Variants in PSEN1 observed in about 807,000 individuals in gnomAD.
PSEN1 encodes presenilin 1.
In PSEN1, 15 loss-of-function variants were observed where a neutral mutation model predicts 53.5. The observed-to-expected ratio is 0.28, with a 90% CI of 0.19 to 0.43. The LOEUF (loss-of-function observed/expected upper bound fraction) is 0.43. PSEN1 is among the 20% of genes least tolerant of loss of function. The pLI, the probability that PSEN1 is intolerant of heterozygous loss-of-function variation, is 1.00. For synonymous variants in PSEN1, 208 were observed against 209.8 expected (o/e 0.99, Z 0.08); for missense variants, 387 against 571.2 (o/e 0.68, Z 3.29).
rs1594762081 is a variant in PSEN1, at chr14:73,222,445, T to C, written c.*3156T>C. ...GATATAACTTGTAGAGTGTGAAATATAAGTTTAACTACCAAATAAGGTCTC... is the reference window on the plus strand; with the variant it reads ...GATATAACTTGTAGAGTGTGAAATACAAGTTTAACTACCAAATAAGGTCTC... On this transcript the variant is annotated 3_prime_UTR_variant, in exon 12 of 12. Coordinates refer to ENST00000324501, the MANE Select transcript of PSEN1 (RefSeq NM_000021.4). 6.6e-6 allele frequency: 1 copy of C among 152,182 alleles called. No individual in the cohort carries two copies. The highest frequency in any genetic ancestry group is 2.4e-5 in the African/African-American group (1 of 41,438). 9.4% of individuals were successfully genotyped at this position (152,182 alleles called of 1,614,324 possible).
chr14:73,174,972 A>C (rs187040561), intron 5 of PSEN1, among the ~76,000 whole-genome samples: 2 of 152,266 alleles, frequency 1.3e-5, no homozygotes, highest in East Asian at 3.9e-4. Flanking sequence ...CTTAGAAAAA[A>C]TTACACATTA....
intron 5 of PSEN1, among the ~76,000 whole-genome samples, chr14:73,186,458 T>C (rs1402223836): frequency 6.6e-6 from 1 of 152,102 alleles, no homozygotes; most frequent in Non-Finnish European, 1.5e-5. Context: ...TTTGCCAAAT[T>C]GTACTATTTT....
intron 3 of PSEN1, among the ~76,000 whole-genome samples, chr14:73,162,030 C>T (rs1444505993): frequency 7.1e-6 from 1 of 140,674 alleles, no homozygotes; most frequent in East Asian, 2.1e-4. Flanking sequence ...AAAAAGAAAC[C>T]AAACCAGGTG....
At chr14:73,173,911 A>T in intron 5 of PSEN1, 1 of 677,412 alleles carries the variant, frequency 1.5e-6, no homozygotes, top group Non-Finnish European at 2.6e-6. Context: ...CCAGGCTCAG[A>T]GGCTGAGGCA....
At chr14:73,205,849 A>G (rs1476205312) in intron 8 of PSEN1, among the ~76,000 whole-genome samples, 2 of 152,254 alleles carry the variant, frequency 1.3e-5, no homozygotes, top group Non-Finnish European at 2.9e-5. Flanking sequence ...GTATTTTTGT[A>G]GAAGGGGCAC....
At position 73,222,244 on chromosome 14, in the gene PSEN1, T is replaced by A. The variant is rs909775190; in HGVS notation, c.*2955T>A. ...AAGAAAACAGTCATAAGTAAGCAAT[T>A]TGTTGATTTTACTACAGAAGCAACA... On this transcript the variant is annotated 3_prime_UTR_variant, in exon 12 of 12. Coordinates refer to ENST00000324501, the MANE Select transcript of PSEN1 (RefSeq NM_000021.4). 9 of 152,192 alleles carry A rather than the reference T, an allele frequency of 5.9e-5. No homozygotes were observed. The highest frequency in any genetic ancestry group is 2.1e-4 in the South Asian group (1 of 4,830). The allele number at this position is 152,192 out of a possible 1,614,324, so 9.4% of individuals were successfully genotyped here. A position where few individuals can be genotyped will look rare whatever the true frequency, so the allele number is the denominator to read the frequency against.
intron 8 of PSEN1, among the ~76,000 whole-genome samples, chr14:73,202,619 C>T (rs540125111): frequency 6.7e-6 from 1 of 149,448 alleles, no homozygotes; most frequent in African/African-American, 2.5e-5. Flanking sequence ...ACTCTAGGCG[C>T]CCGCCACCAT....
At chr14:73,164,428 C>T (rs149893475) in intron 3 of PSEN1, among the ~76,000 whole-genome samples, 1 of 152,264 alleles carries the variant, frequency 6.6e-6, no homozygotes, top group African/African-American at 2.4e-5. Flanking sequence ...CTGCTAATAG[C>T]CATAGGAATA....
chr14:73,154,523 A>G (rs1399528355), intron 3 of PSEN1, among the ~76,000 whole-genome samples: 1 of 151,928 alleles, frequency 6.6e-6, no homozygotes, highest in African/African-American at 2.4e-5. Flanking sequence ...ATTGCTTGAG[A>G]CTAGGAGGTC....
intron 3 of PSEN1, among the ~76,000 whole-genome samples, chr14:73,153,630 A>G (rs1414883264): frequency 2.1e-5 from 3 of 145,548 alleles, no homozygotes; most frequent in Non-Finnish European, 4.5e-5. Flanking sequence ...CACATTTGTC[A>G]TTGTAGAAAT....
At chr14:73,194,247 T>G (rs1442778006) in intron 7 of PSEN1, among the ~76,000 whole-genome samples, 1 of 151,932 alleles carries the variant, frequency 6.6e-6, no homozygotes, top group East Asian at 1.9e-4. Context: ...CTCTTTTTTT[T>G]TTCTTTTTGT....
chr14:73,222,439 G>C lies in PSEN1; in HGVS notation c.*3150G>C, dbSNP rs1354592044. 6.6e-6 allele frequency: 1 copy of C among 152,188 alleles called. No homozygotes were observed. Among genetic ancestry groups the C allele is most frequent in the Non-Finnish European group, 1.5e-5 (1 of 68,046 alleles). The allele number at this position is 152,188 out of a possible 1,614,324, so 9.4% of individuals were successfully genotyped here. A position where few individuals can be genotyped will look rare whatever the true frequency, so the allele number is the denominator to read the frequency against. On this transcript the variant is annotated 3_prime_UTR_variant, in exon 12 of 12. Transcript: ENST00000324501. ...ATTCTCGATATAACTTGTAGAGTGTGAAATATAAGTTTAACTACCAAATAA... is the reference window on the plus strand; with the variant it reads ...ATTCTCGATATAACTTGTAGAGTGTCAAATATAAGTTTAACTACCAAATAA...
At chr14:73,173,996 C>A in intron 5 of PSEN1, 4 of 557,776 alleles carry the variant, frequency 7.2e-6, no homozygotes, top group Non-Finnish European at 6.3e-6. Context: ...TTAAAGAAAA[C>A]AAAAAACAAA....
chr14:73,143,643 T>G (rs912429721), intron 1 of PSEN1, among the ~76,000 whole-genome samples: 6 of 152,154 alleles, frequency 3.9e-5, no homozygotes, highest in Non-Finnish European at 5.9e-5. Flanking sequence ...GTGTGACCAG[T>G]TTGTACCAGC....
intron 10 of PSEN1, among the ~76,000 whole-genome samples, chr14:73,216,068 A>G (rs1899900463): frequency 6.6e-6 from 1 of 152,202 alleles, no homozygotes; most frequent in Non-Finnish European, 1.5e-5. Context: ...CAACTGGTAA[A>G]TGGATAAGCA....
At chr14:73,206,042 G>A (rs1259010887) in intron 8 of PSEN1, 1 of 280,404 alleles carries the variant, frequency 3.6e-6, no homozygotes, top group Non-Finnish European at 6.9e-6. Flanking sequence ...GCTCCAGTTT[G>A]TCCTGGAATT....
intron 9 of PSEN1, among the ~76,000 whole-genome samples, chr14:73,209,385 C>T (rs1899588594): frequency 6.6e-6 from 1 of 152,220 alleles, no homozygotes; most frequent in Non-Finnish European, 1.5e-5. Flanking sequence ...AAAGAATTGC[C>T]ACAAGCCTGG....
chr14:73,188,273 A>G (rs1898588955), intron 6 of PSEN1, among the ~76,000 whole-genome samples: 1 of 151,998 alleles, frequency 6.6e-6, no homozygotes, highest in East Asian at 1.9e-4. Flanking sequence ...AGAATCGTTC[A>G]TTATAAGTTG....
At chr14:73,147,904 A>G (rs199648497) in intron 2 of PSEN1, 28 bp downstream of exon 2, 21 of 800,122 alleles carry the variant, frequency 2.6e-5, no homozygotes, top group Non-Finnish European at 4.3e-5. Context: ...GTAATCTATG[A>G]AAGTGTTTTT....
Sources: gnomAD v4.1 joint callset for allele counts (sites outside exome capture counted in the v4.1 genomes callset) on GRCh38, gnomAD v4.1.1 for gene constraint, MANE v1.5 for transcripts, NCBI Gene and HGNC (gene_info 2026-07-23, HGNC 2026-07-21) for gene names.